The following TENT5D variants were observed in gnomAD, a reference collection of about 807,000 sequenced individuals.
TENT5D encodes the protein cancer/testis antigen 112.
For synonymous variants in TENT5D, 103 were observed against 100.6 expected, an observed-to-expected ratio of 1.02 and a Z score of -0.15; for missense variants, 191 against 287.0, an observed-to-expected ratio of 0.67 and a Z score of 2.42.
intron 3 of TENT5D, among the ~76,000 whole-genome samples, chrX:80,374,849 G>A (rs891563338): frequency 9.0e-6 from 1 of 111,013 alleles, no homozygotes; most frequent in African/African-American, 3.3e-5. Flanking sequence ...GCATTTTACT[G>A]GTTAAGCATC....
intron 3 of TENT5D, among the ~76,000 whole-genome samples, chrX:80,382,829 C>T (rs2147532642): frequency 8.9e-6 from 1 of 112,223 alleles, no homozygotes; most frequent in South Asian, 3.8e-4. Flanking sequence ...CCTGGTGTGC[C>T]ATTTGCTAAG....
intron 3 of TENT5D, among the ~76,000 whole-genome samples, chrX:80,388,248 C>A (rs2147536367): frequency 9.0e-6 from 1 of 111,248 alleles, no homozygotes; most frequent in South Asian, 3.8e-4. Context: ...AAGCTCACAC[C>A]TAAGCTGCAA....
chrX:80,370,896 T>C (rs1012384643), intron 3 of TENT5D, among the ~76,000 whole-genome samples: 2 of 112,039 alleles, frequency 1.8e-5, no homozygotes, highest in Non-Finnish European at 3.8e-5. Context: ...TGAAAAAATA[T>C]GTATATGTCA....
At chrX:80,417,502 G>T (rs1931801791), upstream of TENT5D, among the ~76,000 whole-genome samples, 1 of 108,879 alleles carries the variant, frequency 9.2e-6, no homozygotes. Flanking sequence ...GGCAGGTGTG[G>T]TGGTAATAAA....
chrX:80,432,856 T>G (rs1932113546), intron 1 of TENT5D, among the ~76,000 whole-genome samples: 1 of 110,859 alleles, frequency 9.0e-6, no homozygotes, highest in Middle Eastern at 4.6e-3. Context: ...TTTTATGGAC[T>G]GGGAAGGGAA....
At chrX:80,349,141 A>G (rs1291976105) in intron 3 of TENT5D, among the ~76,000 whole-genome samples, 1 of 112,139 alleles carries the variant, frequency 8.9e-6, no homozygotes, top group Non-Finnish European at 1.9e-5. Flanking sequence ...TGTCTCTACC[A>G]GATTTTGGAA....
At chrX:80,417,255 A>G (rs747927497), upstream of TENT5D, among the ~76,000 whole-genome samples, 6 of 110,993 alleles carry the variant, frequency 5.4e-5, no homozygotes, top group Non-Finnish European at 7.6e-5. Flanking sequence ...TCTTTATCCA[A>G]CTTTCCAATT....
intron 3 of TENT5D, among the ~76,000 whole-genome samples, chrX:80,382,628 TGA>T (rs1429422097): frequency 9.0e-6 from 1 of 111,192 alleles, no homozygotes; most frequent in Non-Finnish European, 1.9e-5. Flanking sequence ...CAGGCCTCCT[TGA>T]GCTGTGGTGG....
At chrX:80,419,036 A>T (rs930967560), upstream of TENT5D, among the ~76,000 whole-genome samples, 1 of 111,390 alleles carries the variant, frequency 9.0e-6, no homozygotes, top group Non-Finnish European at 1.9e-5. Flanking sequence ...ATTTTTTTCA[A>T]TGGGATCATA....
upstream of TENT5D, among the ~76,000 whole-genome samples, chrX:80,418,497 T>C (rs1026716990): frequency 3.6e-5 from 4 of 111,219 alleles, no homozygotes; most frequent in Non-Finnish European, 7.5e-5. Context: ...AATTATGACC[T>C]TTGGAATGAA....
At chrX:80,396,896 C>T (rs1303260179) in intron 3 of TENT5D, among the ~76,000 whole-genome samples, 18 of 77,136 alleles carry the variant, frequency 2.3e-4, no homozygotes, top group South Asian at 7.5e-4. Flanking sequence ...GCTGGCCGGG[C>T]GGGGGGCTGA....
At chrX:80,409,788 A>C (rs1207553102) in intron 3 of TENT5D, among the ~76,000 whole-genome samples, 37 of 104,031 alleles carry the variant, frequency 3.6e-4, no homozygotes, top group African/African-American at 1.2e-3. Context: ...CGCATCGCCA[A>C]GTCAATCCTA....
intron 3 of TENT5D, among the ~76,000 whole-genome samples, chrX:80,367,197 G>A (rs1044475782): frequency 9.0e-6 from 1 of 111,205 alleles, no homozygotes; most frequent in Admixed American, 9.7e-5. Context: ...TTTACTATGA[G>A]TTTTAAAATT....
At chrX:80,410,264 G>A (rs1240397741) in intron 3 of TENT5D, among the ~76,000 whole-genome samples, 1 of 105,253 alleles carries the variant, frequency 9.5e-6, no homozygotes, top group Non-Finnish European at 2.0e-5. Context: ...AAACTAAAGA[G>A]CTTCTGCACA....
intron 1 of TENT5D, among the ~76,000 whole-genome samples, chrX:80,436,782 T>C (rs1339074649): frequency 9.0e-6 from 1 of 111,494 alleles, no homozygotes; most frequent in Non-Finnish European, 1.9e-5. Flanking sequence ...TCTTTATCAG[T>C]CTCATTCTTA....
intron 3 of TENT5D, among the ~76,000 whole-genome samples, chrX:80,414,380 C>T (rs1052325488): frequency 9.1e-6 from 1 of 109,311 alleles, no homozygotes; most frequent in Non-Finnish European, 1.9e-5. Flanking sequence ...AGAATCCCTT[C>T]ATGGCCACCA....
chrX:80,431,622 G>A (rs1397176672), intron 1 of TENT5D, among the ~76,000 whole-genome samples: 1 of 111,635 alleles, frequency 9.0e-6, no homozygotes, highest in South Asian at 3.8e-4. Context: ...AGCAAGTCAT[G>A]TCTTACATGG....
At chrX:80,341,824 G>C (rs1442972392) in intron 2 of TENT5D, among the ~76,000 whole-genome samples, 1 of 102,480 alleles carries the variant, frequency 9.8e-6, no homozygotes, top group African/African-American at 3.6e-5. Context: ...CCATTCTCCT[G>C]CCTCAGCCTC....
intron 3 of TENT5D, among the ~76,000 whole-genome samples, chrX:80,355,437 A>G (rs1338845147): frequency 3.6e-5 from 4 of 111,448 alleles, no homozygotes; most frequent in African/African-American, 9.8e-5. Flanking sequence ...AAAGCCACCT[A>G]AAGGAATATG....
Sources: allele counts gnomAD v4.1 joint callset (sites outside exome capture counted in the v4.1 genomes callset), GRCh38; gene constraint gnomAD v4.1.1; transcripts MANE v1.5; gene names NCBI Gene and HGNC (gene_info 2026-07-23, HGNC 2026-07-21).